Variants in ADSL observed in about 807,000 individuals in gnomAD.
ADSL encodes adenylosuccinate lyase, also known as adenylosuccinase.
ADSL carries 44 observed loss-of-function variants against 62.1 expected under a neutral mutation model. The ratio of observed to expected loss-of-function variants is 0.71; its 90% confidence interval spans 0.56 to 0.91. The LOEUF is 0.91. ADSL is among the 40% of genes least tolerant of loss of function. The pLI is 0.00. For missense variants in ADSL, 531 were observed against 627.4 expected (o/e 0.85, Z 1.64); for synonymous variants, 198 against 220.5 (o/e 0.90, Z 0.90).
intron 2 of ADSL, among the ~76,000 whole-genome samples, chr22:40,384,518 C>T (rs1807283422): frequency 6.6e-6 from 1 of 152,132 alleles, no homozygotes; most frequent in Non-Finnish European, 1.5e-5. Flanking sequence ...CGGTGGCTCA[C>T]GCCTGTAATC....
chr22:40,373,739 C>T (rs559930933), downstream of ADSL, among the ~76,000 whole-genome samples: 129 of 151,944 alleles, frequency 8.5e-4, no homozygotes, highest in African/African-American at 3.0e-3. Flanking sequence ...CCTCAGCCTC[C>T]CGAGTAGCTG....
At chr22:40,378,036 C>T (rs980384081) in intron 2 of ADSL, 2 of 152,094 alleles carry the variant, frequency 1.3e-5, no homozygotes, top group African/African-American at 4.8e-5. Context: ...CAGGGCTATC[C>T]ACAGGTGACA....
chr22:40,384,988 G>A (rs1051554373), intron 2 of ADSL, among the ~76,000 whole-genome samples: 7 of 152,194 alleles, frequency 4.6e-5, no homozygotes, highest in African/African-American at 1.7e-4. Flanking sequence ...GAAGACTGAT[G>A]TGGGGAATGT....
intron 2 of ADSL, among the ~76,000 whole-genome samples, chr22:40,381,824 G>GT (rs1491232471): frequency 1.3e-5 from 2 of 152,144 alleles, no homozygotes; most frequent in Non-Finnish European, 2.9e-5. Context: ...GCCAGGCATG[G>GT]TGGTATATGC....
At position 40,367,374 on chromosome 22, in the gene ADSL, T is replaced by G. The variant is rs2045037502; in HGVS notation, c.*852T>G. ...CTGGTCTTGAACTCCTGACCTCAAG[T>G]GATCCGCCCATCTCAGCCTCCCAAA... On this transcript the variant is annotated 3_prime_UTR_variant, in exon 13 of 13. Coordinates refer to ENST00000623063, the MANE Select transcript of ADSL (RefSeq NM_000026.4). 6.3e-6 allele frequency: 1 copy of G among 158,936 alleles called. No homozygotes were observed. The highest frequency in any genetic ancestry group is 2.4e-5 in the African/African-American group (1 of 41,568). 9.8% of individuals were successfully genotyped at this position (158,936 alleles called of 1,614,324 possible). A position where few individuals can be genotyped will look rare whatever the true frequency, so the allele number is the denominator to read the frequency against.
Position 40,360,401 on chromosome 22 carries a change from G to A in ADSL, c.702-1G>A. 1.2e-6 allele frequency: 2 copies of A among 1,611,926 alleles called. No homozygotes were observed. The highest frequency in any genetic ancestry group is 1.7e-6 in the Non-Finnish European group (2 of 1,178,646). Reference sequence around the variant, plus strand: ...TAAGTCTCTCTTGTACTTATTCCTAGAGCTTTCATCATCACAGGGCAGACA... The same window carrying A: ...TAAGTCTCTCTTGTACTTATTCCTAAAGCTTTCATCATCACAGGGCAGACA... On this transcript the variant is annotated splice_acceptor_variant, in intron 6 of 12. Transcript: ENST00000623063. LOFTEE classifies it high-confidence loss of function.
intron 3 of ADSL, chr22:40,353,783 G>T: frequency 3.8e-6 from 1 of 266,522 alleles, no homozygotes; most frequent in Non-Finnish European, 7.3e-6. Context: ...CCGCCACTAC[G>T]CCCAGCTATT....
chr22:40,348,486 C>G, intron 1 of ADSL: 1 of 398,688 alleles, frequency 2.5e-6, no homozygotes, highest in Non-Finnish European at 4.4e-6. Flanking sequence ...TGGGCTCAAG[C>G]TGTCCTCTCA....
intron 6 of ADSL, 136 bp downstream of exon 6, chr22:40,359,442 C>A: frequency 1.6e-6 from 1 of 640,874 alleles, no homozygotes. Context: ...TTTCCTGTCT[C>A]TATCCTGGGT....
Position 40,366,646 on chromosome 22 carries a change from A to G in ADSL, c.*124A>G, listed in dbSNP as rs536426603. The stretch of plus-strand genomic sequence containing the variant: ...ATTAGTACAGCACTTTCTTCTTCCC[A>G]TGGTGCTTTCCTGTTTCTCAGTCTC... On this transcript the variant is annotated 3_prime_UTR_variant, in exon 13 of 13. Coordinates refer to ENST00000623063, the MANE Select transcript of ADSL (RefSeq NM_000026.4). 10 of 745,024 alleles carry G rather than the reference A, an allele frequency of 1.3e-5. No homozygotes were observed. Among genetic ancestry groups the G allele is most frequent in the Middle Eastern group, 3.3e-4 (1 of 3,028 alleles). 46.2% of individuals were successfully genotyped at this position (745,024 alleles called of 1,614,324 possible).
chr22:40,378,793 C>G (rs2047078509), intron 2 of ADSL, among the ~76,000 whole-genome samples: 1 of 152,002 alleles, frequency 6.6e-6, no homozygotes, highest in Admixed American at 6.6e-5. Context: ...CTGTAAAGTT[C>G]TCTCCAATTC....
chr22:40,371,202 A>G (rs964632012), downstream of ADSL, among the ~76,000 whole-genome samples: 1 of 152,248 alleles, frequency 6.6e-6, no homozygotes, highest in African/African-American at 2.4e-5. Context: ...GCACGGGGGA[A>G]ACTGAGGCAT....
Position 40,368,969 on chromosome 22 carries a change from C to G in ADSL, c.*2447C>G, listed in dbSNP as rs926644548. ...TCTTGAAAGGATACTAAGTCTGACA[C>G]AAGGAAATTAAGTCATGGGACTCTG... On this transcript the variant is annotated 3_prime_UTR_variant, in exon 13 of 13. Transcript: ENST00000623063. 6.6e-6 allele frequency: 1 copy of G among 152,164 alleles called. No individual in the cohort carries two copies. Among genetic ancestry groups the G allele is most frequent in the Non-Finnish European group, 1.5e-5 (1 of 68,030 alleles). 9.4% of individuals were successfully genotyped at this position (152,164 alleles called of 1,614,324 possible).
intron 1 of ADSL, among the ~76,000 whole-genome samples, 159 bp from the exon 2 acceptor site, chr22:40,349,673 T>C (rs938938242): frequency 6.6e-6 from 1 of 152,090 alleles, no homozygotes; most frequent in South Asian, 2.1e-4. Context: ...CCACTACCCC[T>C]GGCCAGTGTA....
At chr22:40,350,573 A>G (rs926273576) in intron 2 of ADSL, among the ~76,000 whole-genome samples, 1 of 152,184 alleles carries the variant, frequency 6.6e-6, no homozygotes, top group Admixed American at 6.5e-5. Context: ...TGCTGGATGT[A>G]AGCCAAGGCC....
chr22:40,359,013 T>A lies in ADSL; in HGVS notation c.632T>A (p.Leu211His), dbSNP rs2044669605. 46 of 1,614,018 alleles carry A rather than the reference T, an allele frequency of 2.9e-5. No individual in the cohort carries two copies. Among genetic ancestry groups the A allele is most frequent in the Non-Finnish European group, 3.6e-5 (43 of 1,180,056 alleles). Residue 211 changes from leucine to histidine, a missense_variant, in exon 5 of 13, where the codon CTC becomes CAC. Leu to His is a moderately conservative substitution (Grantham distance 99). Transcript: ENST00000623063. The part of the protein sequence containing the change: ...TTGTQASFLQ[L>H]FEGDDHKVEQ... ...GGCACTCAGGCCAGTTTCCTGCAGCTCTTTGAGGGAGATGACCATAAGGTA... is the reference window on the plus strand; with the variant it reads ...GGCACTCAGGCCAGTTTCCTGCAGCACTTTGAGGGAGATGACCATAAGGTA...
intron 3 of ADSL, 186 bp downstream of exon 3, chr22:40,353,303 C>A (rs1318221554): frequency 1.4e-6 from 1 of 706,838 alleles, no homozygotes; most frequent in East Asian, 2.7e-5. Flanking sequence ...TTCTCTTCCT[C>A]CTTCTCCTTT....
chr22:40,352,783 G>A (rs770850886), intron 2 of ADSL, among the ~76,000 whole-genome samples: 12 of 152,236 alleles, frequency 7.9e-5, no homozygotes, highest in Admixed American at 1.3e-4. Flanking sequence ...ACAGGCATGC[G>A]CCACCATGCC....
Position 40,367,652 on chromosome 22 carries a change from A to T in ADSL, c.*1130A>T, listed in dbSNP as rs2045044695. 1 of 167,036 alleles carries T rather than the reference A, an allele frequency of 6.0e-6. No individual in the cohort carries two copies. The highest frequency in any genetic ancestry group is 2.4e-5 in the African/African-American group (1 of 41,438). 10.3% of individuals were successfully genotyped at this position (167,036 alleles called of 1,614,324 possible). On this transcript the variant is annotated 3_prime_UTR_variant, in exon 13 of 13. Transcript: ENST00000623063. ...ACTGTAGCCAAAGATTGAGTTAATT[A>T]CCTACCTGCCAGGAGAGCACTAGTG...
Sources: allele counts gnomAD v4.1 joint callset (sites outside exome capture counted in the v4.1 genomes callset), GRCh38; gene constraint gnomAD v4.1.1; transcripts MANE v1.5; gene names NCBI Gene and HGNC (gene_info 2026-07-23, HGNC 2026-07-21).